The following SSH2 variants were observed in gnomAD, a reference collection of about 807,000 sequenced individuals.
The protein encoded by SSH2 is protein phosphatase Slingshot homolog 2.
SSH2 carries 37 observed loss-of-function variants against 135.2 expected under a neutral mutation model. The observed-to-expected ratio is 0.27, with a 90% CI of 0.21 to 0.36. SSH2 has a LOEUF of 0.36. SSH2 is among the 10% of genes least tolerant of loss of function. The pLI is 1.00. For missense variants in SSH2, 1,408 were observed against 1,765.3 expected, an observed-to-expected ratio of 0.80 and a Z score of 3.63; for synonymous variants, 628 against 646.2, an observed-to-expected ratio of 0.97 and a Z score of 0.43.
At chr17:29,790,212 A>T (rs2042040126) in intron 3 of SSH2, among the ~76,000 whole-genome samples, 1 of 152,154 alleles carries the variant, frequency 6.6e-6, no homozygotes, top group Admixed American at 6.5e-5. Context: ...CTCGAAAGTG[A>T]GGCGAGGCCT....
chr17:29,866,492 A>C lies in SSH2; in HGVS notation c.64-17563T>G, dbSNP rs148239791. Among the ~76,000 whole-genome samples the C allele has an allele frequency of 1.9e-4, 29 of 152,378 alleles. No homozygotes were observed. The East Asian group carries it at 4.8e-3, about 25-fold the overall frequency. ...TGAGAAGTAATCATCCACAAAAAAC[A>C]ACAAGTTAATAAACAAGTTTATACA... is the stretch of plus-strand genomic sequence containing the variant. On this transcript the variant is annotated intron_variant, in intron 1 of 15. Coordinates refer to ENST00000540801, the MANE Select transcript of SSH2 (RefSeq NM_001282129.2).
At chr17:29,761,307 T>A (rs147230557) in intron 3 of SSH2, 3 of 1,266,032 alleles carry the variant, frequency 2.4e-6, no homozygotes, top group Non-Finnish European at 3.1e-6. Context: ...CAACTCCGCA[T>A]CCTGGCCTCT....
At chr17:29,688,212 T>C (rs944409485) in intron 5 of SSH2, among the ~76,000 whole-genome samples, 3 of 152,100 alleles carry the variant, frequency 2.0e-5, no homozygotes, top group African/African-American at 7.2e-5. Context: ...GGTTTCACCA[T>C]GTTGGCCAGG....
intron 2 of SSH2, among the ~76,000 whole-genome samples, chr17:29,798,312 C>T (rs2042192775): frequency 1.3e-5 from 2 of 151,930 alleles, no homozygotes; most frequent in Non-Finnish European, 2.9e-5. Flanking sequence ...GCGTGTACCA[C>T]CGTGCCCGGC....
chr17:29,796,214 T>G (rs1010147048), intron 2 of SSH2, among the ~76,000 whole-genome samples: 1 of 152,244 alleles, frequency 6.6e-6, no homozygotes, highest in Non-Finnish European at 1.5e-5. Flanking sequence ...TTCTATTATG[T>G]GACTACTATC....
chr17:29,920,432 A>G (rs1184587806), intron 1 of SSH2, among the ~76,000 whole-genome samples: 5 of 152,230 alleles, frequency 3.3e-5, no homozygotes, highest in African/African-American at 1.2e-4. Flanking sequence ...CTATGCATGC[A>G]ATTTAATAAA....
intron 1 of SSH2, among the ~76,000 whole-genome samples, chr17:29,872,451 A>G (rs1247994912): frequency 2.0e-5 from 3 of 152,210 alleles, no homozygotes; most frequent in Non-Finnish European, 4.4e-5. Context: ...GTACAGGAAC[A>G]ATAACTAAAG....
At chr17:29,667,370 G>T (rs1043166646) in intron 9 of SSH2, 147 bp from the exon 10 acceptor site, 4 of 639,892 alleles carry the variant, frequency 6.3e-6, no homozygotes, top group Non-Finnish European at 8.1e-6. Context: ...AACTTAGAGC[G>T]TGGGTCCCCA....
intron 6 of SSH2, among the ~76,000 whole-genome samples, chr17:29,681,716 G>A (rs1230616292): frequency 6.6e-6 from 1 of 152,062 alleles, no homozygotes; most frequent in Non-Finnish European, 1.5e-5. Flanking sequence ...TAAATGAATT[G>A]GCTGCAACGT....
At chr17:29,887,549 C>A (rs971189797) in intron 1 of SSH2, among the ~76,000 whole-genome samples, 1 of 152,188 alleles carries the variant, frequency 6.6e-6, no homozygotes, top group African/African-American at 2.4e-5. Context: ...TTATCTGTGC[C>A]TCTATTTCCT....
chr17:29,866,382 G>A (rs545738892), intron 1 of SSH2, among the ~76,000 whole-genome samples: 1 of 152,234 alleles, frequency 6.6e-6, no homozygotes, highest in South Asian at 2.1e-4. Flanking sequence ...CAAGTTATTC[G>A]GTTTACATAG....
intron 5 of SSH2, among the ~76,000 whole-genome samples, chr17:29,690,088 T>C (rs1310590756): frequency 1.3e-5 from 2 of 151,718 alleles, no homozygotes; most frequent in Non-Finnish European, 2.9e-5. Context: ...CTCCTTAAGC[T>C]TAAACTGTAA....
chr17:29,666,096 G>C (rs2037261581), intron 11 of SSH2, among the ~76,000 whole-genome samples: 2 of 152,154 alleles, frequency 1.3e-5, no homozygotes, highest in African/African-American at 4.8e-5. Flanking sequence ...TTGGGGCCAG[G>C]TGCGATGGCT....
intron 3 of SSH2, among the ~76,000 whole-genome samples, chr17:29,783,283 A>T (rs1598991521): frequency 7.1e-6 from 1 of 140,102 alleles, no homozygotes; most frequent in East Asian, 2.0e-4. Context: ...TTTATATATT[A>T]TATATATAAT....
intron 1 of SSH2, among the ~76,000 whole-genome samples, chr17:29,887,154 T>G (rs917081303): frequency 1.3e-5 from 2 of 152,144 alleles, no homozygotes; most frequent in African/African-American, 4.8e-5. Flanking sequence ...TTTAATTATA[T>G]GCCTATAGAG....
At chr17:29,640,241 G>A (rs1397045385) in intron 14 of SSH2, among the ~76,000 whole-genome samples, 1 of 152,080 alleles carries the variant, frequency 6.6e-6, no homozygotes, top group Non-Finnish European at 1.5e-5. Context: ...ACCACGCCTG[G>A]CTATTTTTGT....
intron 3 of SSH2, among the ~76,000 whole-genome samples, chr17:29,757,781 GTGGGGGGTGGGGTGGGGGGCCGGGGT>G (rs2041176167): frequency 7.4e-6 from 1 of 135,496 alleles, no homozygotes; most frequent in Admixed American, 7.5e-5. Context: ...AGTGGCAGGG[GTGGGGGGTGGGGTGGGGGGCCGGGGT>G]TGGGGGCGCC....
At chr17:29,731,334 A>T (rs183241368) in intron 3 of SSH2, among the ~76,000 whole-genome samples, 1 of 152,170 alleles carries the variant, frequency 6.6e-6, no homozygotes, top group East Asian at 1.9e-4. Context: ...CCTTAAAAGC[A>T]CTCTATTAAA....
intron 6 of SSH2, among the ~76,000 whole-genome samples, chr17:29,682,753 A>T (rs2038038622): frequency 6.6e-6 from 1 of 152,182 alleles, no homozygotes; most frequent in African/African-American, 2.4e-5. Flanking sequence ...AAGATTAAAA[A>T]CCTAAATTAG....
Sources: allele counts gnomAD v4.1 joint callset (sites outside exome capture counted in the v4.1 genomes callset), GRCh38; gene constraint gnomAD v4.1.1; transcripts MANE v1.5; gene names NCBI Gene and HGNC (gene_info 2026-07-23, HGNC 2026-07-21).